The following UTP20 variants were observed in gnomAD, a reference collection of about 807,000 sequenced individuals.
The protein encoded by UTP20 is small subunit processome component 20 homolog.
A neutral mutation model predicts 329.5 loss-of-function variants in UTP20; 164 were observed. The observed-to-expected ratio is 0.50, with a 90% CI of 0.44 to 0.57. The LOEUF is 0.57. Among genes scored for constraint, UTP20 ranks in the 20% least tolerant of loss-of-function variants. The pLI is 0.00. For synonymous variants in UTP20, 1,151 were observed against 1,159.3 expected, an observed-to-expected ratio of 0.99 and a Z score of 0.14; for missense variants, 3,055 against 3,284.2, an observed-to-expected ratio of 0.93 and a Z score of 1.71.
At chr12:101,356,796 A>T in intron 42 of UTP20, 103 bp downstream of exon 42, 3 of 1,497,396 alleles carry the variant, frequency 2.0e-6, no homozygotes, top group Non-Finnish European at 2.7e-6. Flanking sequence ...AAGTACTGTC[A>T]TAACTTGCTG....
chr12:101,327,834 T>C (rs1022919404), intron 26 of UTP20, among the ~76,000 whole-genome samples: 3 of 152,344 alleles, frequency 2.0e-5, no homozygotes, highest in Non-Finnish European at 2.9e-5. Context: ...CTAACATGTA[T>C]TGAGTGCTTA....
chr12:101,336,696 G>T (rs375688693), intron 29 of UTP20, among the ~76,000 whole-genome samples: 1 of 152,022 alleles, frequency 6.6e-6, no homozygotes, highest in African/African-American at 2.4e-5. Context: ...TCTTCATAAC[G>T]TATTATCCAC....
At chr12:101,307,165 G>A (rs112190570) in intron 17 of UTP20, among the ~76,000 whole-genome samples, 4,672 of 146,282 alleles carry the variant, frequency 0.032, 269 homozygotes, top group African/African-American at 0.11. Flanking sequence ...GCGACAGAGC[G>A]AGACTCCGTC....
Position 101,375,722 on chromosome 12 carries a change from T to C in UTP20, c.7362T>C (p.Phe2454=), listed in dbSNP as rs1224683924. 6.3e-7 allele frequency: 1 copy of C among 1,597,572 alleles called. No homozygotes were observed. Among genetic ancestry groups the C allele is most frequent in the Admixed American group, 1.7e-5 (1 of 59,352 alleles). ...TCAAGGAATGTAATATTATTCAGTT[T>C]ACCAAACCCGCTGAGACTTTGAGTA... ...KLIKECNIIQ[F]TKPAETLSKI... is the part of the protein sequence containing the mutation. Residue 2454 remains phenylalanine, a synonymous_variant, in exon 56 of 62, where the codon TTT becomes TTC. Transcript: ENST00000261637.
At chr12:101,312,368 T>C in intron 21 of UTP20, 92 bp downstream of exon 21, 1 of 1,503,168 alleles carries the variant, frequency 6.7e-7, no homozygotes, top group Non-Finnish European at 8.9e-7. Flanking sequence ...GAGTTCTTTG[T>C]TTTTTGCCTT....
chr12:101,301,722 C>T (rs767511818), intron 14 of UTP20, among the ~76,000 whole-genome samples: 2 of 151,894 alleles, frequency 1.3e-5, no homozygotes, highest in Non-Finnish European at 2.9e-5. Context: ...TGGGTAGTAG[C>T]CATTGAATAT....
chr12:101,365,770 C>A, intron 46 of UTP20, 145 bp downstream of exon 46: 1 of 565,360 alleles, frequency 1.8e-6, no homozygotes, highest in Non-Finnish European at 2.7e-6. Context: ...TGATACATTT[C>A]AACATGAGAT....
intron 59 of UTP20, 109 bp from the exon 60 acceptor site, chr12:101,383,434 A>T: frequency 6.7e-7 from 1 of 1,501,844 alleles, no homozygotes; most frequent in East Asian, 2.3e-5. Context: ...CTGCAGCAAT[A>T]ACATCCGTCC....
chr12:101,341,920 A>G (rs1869154069), intron 32 of UTP20, among the ~76,000 whole-genome samples: 1 of 152,160 alleles, frequency 6.6e-6, no homozygotes. Flanking sequence ...ATATATAAAT[A>G]AAATAAAAAT....
intron 38 of UTP20, among the ~76,000 whole-genome samples, chr12:101,347,237 A>G (rs1320674982): frequency 6.6e-6 from 1 of 152,140 alleles, no homozygotes; most frequent in Non-Finnish European, 1.5e-5. Flanking sequence ...AAAAAGATTA[A>G]TGAGGTCAAG....
chr12:101,321,752 C>A, intron 25 of UTP20, 123 bp downstream of exon 25: 2 of 1,268,594 alleles, frequency 1.6e-6, no homozygotes, highest in Non-Finnish European at 2.1e-6. Context: ...CTTTTGATTG[C>A]ATTTTCTTTG....
Position 101,281,189 on chromosome 12 carries a change from A to G in UTP20, c.119A>G (p.Tyr40Cys). ...CACCGGATTGATAGAACTGCAAGCTATGAGGAGGTAAGAGAATGTGATACT... is the reference window on the plus strand; with the variant it reads ...CACCGGATTGATAGAACTGCAAGCTGTGAGGAGGTAAGAGAATGTGATACT... The part of the protein sequence containing the change: ...IIHRIDRTAS[Y>C]EEEVETYFFE... Residue 40 changes from tyrosine to cysteine, a missense_variant, in exon 2 of 62, where the codon TAT becomes TGT. Physicochemically the swap from Tyr to Cys is radical, Grantham distance 194 (BLOSUM62 -2). Around this residue, in one of 3 missense-constraint regions of UTP20, gnomAD observed 2,445 missense variants for 2,575.5 expected, o/e 0.95. Transcript: ENST00000261637. 1 of 1,612,754 alleles carries G rather than the reference A, an allele frequency of 6.2e-7. No homozygotes were observed. Among genetic ancestry groups the G allele is most frequent in the South Asian group, 1.1e-5 (1 of 90,958 alleles).
intron 14 of UTP20, among the ~76,000 whole-genome samples, chr12:101,300,269 G>A (rs570338741): frequency 3.9e-5 from 6 of 152,270 alleles, no homozygotes; most frequent in Non-Finnish European, 8.8e-5. Flanking sequence ...TTGAGCATAA[G>A]GAAGGGGACA....
At chr12:101,332,379 C>A (rs1395097565) in intron 27 of UTP20, among the ~76,000 whole-genome samples, 1 of 152,120 alleles carries the variant, frequency 6.6e-6, no homozygotes, top group Admixed American at 6.5e-5. Flanking sequence ...TTCAGTCTCT[C>A]ACATACATTC....
At position 101,356,981 on chromosome 12, in the gene UTP20, A is replaced by G. The variant is rs749081214; in HGVS notation, c.5590A>G (p.Ile1864Val). The change falls in exon 43 of 62, where the codon ATT (isoleucine) becomes GTT (valine). Residue 1864 changes from isoleucine (I) to valine (V), a missense_variant. Around this residue, in one of 3 missense-constraint regions of UTP20, gnomAD observed 2,445 missense variants for 2,575.5 expected, o/e 0.95. Coordinates refer to ENST00000261637, the MANE Select transcript of UTP20 (RefSeq NM_014503.3). ...GAACAGAGCCCAAGAAATCAGAGAC[A>G]TTGCACGCAGCACTCTTGCGAAAAT... is the stretch of plus-strand genomic sequence containing the variant. ...LKNRAQEIRD[I>V]ARSTLAKIIE... 6.2e-6 allele frequency: 10 copies of G among 1,614,032 alleles called. No individual in the cohort carries two copies. The highest frequency in any genetic ancestry group is 1.3e-5 in the African/African-American group (1 of 74,948).
chr12:101,357,058 G>T lies in UTP20; in HGVS notation c.5667G>T (p.Gln1889His), dbSNP rs374794776. ...TCCTATATGTTTTAAAAGAATTACAGACTACTCTTGTCCGTGGATACCAGG... is the reference window on the plus strand; with the variant it reads ...TCCTATATGTTTTAAAAGAATTACATACTACTCTTGTCCGTGGATACCAGG... ...HFLLYVLKEL[Q>H]TTLVRGYQVH... is the part of the protein sequence containing the mutation. The change falls in exon 43 of 62, where the codon CAG (glutamine) becomes CAT (histidine). Residue 1889 changes from glutamine to histidine, a missense_variant. Physicochemically the swap from Gln to His is conservative, Grantham distance 24. Around this residue, in one of 3 missense-constraint regions of UTP20, gnomAD observed 2,445 missense variants for 2,575.5 expected, o/e 0.95. Transcript: ENST00000261637. 54 of 1,612,390 alleles carry T rather than the reference G, an allele frequency of 3.3e-5. No individual in the cohort carries two copies. The highest frequency in any genetic ancestry group is 4.3e-5 in the Non-Finnish European group (51 of 1,179,516).
At chr12:101,334,819 C>CA (rs1273511467) in intron 29 of UTP20, among the ~76,000 whole-genome samples, 1 of 151,882 alleles carries the variant, frequency 6.6e-6, no homozygotes, top group African/African-American at 2.4e-5. Context: ...TACTGAAAAT[C>CA]AAAAAATTGG....
Position 101,334,497 on chromosome 12 carries a change from A to G in UTP20, c.3634A>G (p.Asn1212Asp). Residue 1212 changes from asparagine to aspartate, a missense_variant, in exon 29 of 62, where the codon AAC (asparagine) becomes GAC (aspartate). This residue lies in a region of UTP20 where 2,445 missense variants were observed against 2,575.5 expected (regional missense o/e 0.95). Transcript: ENST00000261637. Reference protein sequence around the residue: ...LLKLISIWSRNARYFPLLAKQ... With the variant: ...LLKLISIWSRDARYFPLLAKQ... ...GAAACTGATCAGTATCTGGAGCAGA[A>G]ACGCAAGGTATAACCTTTCTTTTTT... is the stretch of plus-strand genomic sequence containing the variant. 6.2e-7 allele frequency: 1 copy of G among 1,610,744 alleles called. No individual in the cohort carries two copies. The highest frequency in any genetic ancestry group is 8.5e-7 in the Non-Finnish European group (1 of 1,179,668).
chr12:101,281,257 A>G (rs372574696), intron 2 of UTP20, 61 bp downstream of exon 2: 2 of 1,421,696 alleles, frequency 1.4e-6, no homozygotes, highest in Non-Finnish European at 2.0e-6. Context: ...TTCTTCTGTT[A>G]GTAGAAGTGA....
Sources: gnomAD v4.1 joint callset for allele counts (sites outside exome capture counted in the v4.1 genomes callset) on GRCh38, gnomAD v4.1.1 for gene constraint, gnomAD v4.1.1 regional missense constraint, MANE v1.5 for transcripts, NCBI Gene and HGNC (gene_info 2026-07-23, HGNC 2026-07-21) for gene names.